EZR: variants seen among roughly 807,000 people sequenced by gnomAD.
EZR encodes ezrin.
Under a neutral mutation model 74.8 loss-of-function variants are expected in EZR, and 40 were observed. That is an observed-to-expected ratio of 0.53 (90% CI 0.42 to 0.70). EZR has a LOEUF of 0.70. Ranked by LOEUF, EZR falls within the 30% of genes least tolerant of loss-of-function variation. The probability of loss-of-function intolerance (pLI) is 0.00; values close to 1 mark genes in which losing one functional copy is unlikely to be tolerated. For missense variants in EZR, 678 were observed against 755.8 expected (o/e 0.90, Z 1.21); for synonymous variants, 341 against 283.3 (o/e 1.20, Z -2.05).
intron 7 of EZR, among the ~76,000 whole-genome samples, chr6:158,783,241 G>A (rs1791478441): frequency 9.5e-6 from 1 of 105,678 alleles, no homozygotes; most frequent in Admixed American, 8.0e-5. Context: ...GAATCTCAGA[G>A]GCAGCGGGGA....
At chr6:158,792,187 G>A (rs1200283253) in intron 2 of EZR, among the ~76,000 whole-genome samples, 8 of 152,150 alleles carry the variant, frequency 5.3e-5, no homozygotes, top group Admixed American at 4.6e-4. Context: ...CTGACTGAAA[G>A]TTCACACAAC....
At chr6:158,781,694 T>C (rs1473366927) in intron 7 of EZR, among the ~76,000 whole-genome samples, 1 of 152,220 alleles carries the variant, frequency 6.6e-6, no homozygotes, top group African/African-American at 2.4e-5. Context: ...GCTGTCTTAA[T>C]AGCCACGGCT....
intron 8 of EZR, among the ~76,000 whole-genome samples, chr6:158,772,246 T>A (rs1344239711): frequency 6.6e-6 from 1 of 152,240 alleles, no homozygotes; most frequent in Non-Finnish European, 1.5e-5. Context: ...CCCAGGGTAT[T>A]TGAGGTGTGC....
At chr6:158,793,791 C>T (rs1791804187) in intron 2 of EZR, among the ~76,000 whole-genome samples, 2 of 152,208 alleles carry the variant, frequency 1.3e-5, no homozygotes, top group East Asian at 1.9e-4. Context: ...CACAGCATGG[C>T]ACTGCCTTAC....
chr6:158,766,834 G>T lies in EZR; in HGVS notation c.*80C>A. ...GGGATCTGAGGGAGTTCCTAGACTT[G>T]GAGCACTAAAGACACAAGCGTGGCG... On this transcript the variant is annotated 3_prime_UTR_variant, in exon 14 of 14. Coordinates refer to ENST00000367075, the MANE Select transcript of EZR (RefSeq NM_001111077.2). 3 of 1,328,840 alleles carry T rather than the reference G, an allele frequency of 2.3e-6. No homozygotes were observed. Among genetic ancestry groups the T allele is most frequent in the Non-Finnish European group, 3.1e-6 (3 of 955,858 alleles). The allele number at this position is 1,328,840 out of a possible 1,614,324, so 82.3% of individuals were successfully genotyped here. A position where few individuals can be genotyped will look rare whatever the true frequency, so the allele number is the denominator to read the frequency against.
chr6:158,804,503 A>C (rs371541864), intron 2 of EZR, among the ~76,000 whole-genome samples: 1 of 152,206 alleles, frequency 6.6e-6, no homozygotes, highest in East Asian at 1.9e-4. Context: ...CATCACCAAC[A>C]TGCTTCACTG....
At chr6:158,779,378 C>T (rs1212089925) in intron 7 of EZR, among the ~76,000 whole-genome samples, 2 of 152,066 alleles carry the variant, frequency 1.3e-5, no homozygotes, top group Non-Finnish European at 2.9e-5. Flanking sequence ...GGTCCCGGGG[C>T]AGAAATAGGA....
intron 9 of EZR, 56 bp from the exon 10 acceptor site, chr6:158,770,950 G>C: frequency 1.9e-6 from 3 of 1,610,172 alleles, no homozygotes. Context: ...GAAAGTGAGG[G>C]GTCAACACAC....
intron 2 of EZR, among the ~76,000 whole-genome samples, chr6:158,799,778 G>A (rs9355254): frequency 0.41 from 62,245 of 152,120 alleles, 13,379 homozygotes; most frequent in Non-Finnish European, 0.49. Flanking sequence ...AGAAAAGCCC[G>A]AGAGGCAAGT....
At chr6:158,819,268 A>AC (rs1173204920) in intron 1 of EZR, 49 bp downstream of exon 1, 2 of 152,534 alleles carry the variant, frequency 1.3e-5, no homozygotes, top group African/African-American at 2.4e-5. Context: ...TCCACCAGGA[A>AC]CCCCCCGCCC....
intron 11 of EZR, 72 bp from the exon 12 acceptor site, chr6:158,769,490 C>A (rs2128564354): frequency 2.0e-6 from 3 of 1,467,848 alleles, no homozygotes; most frequent in South Asian, 2.3e-5. Context: ...AATGAGTGTT[C>A]ATGTGTGTTG....
intron 2 of EZR, among the ~76,000 whole-genome samples, chr6:158,812,160 T>C (rs1170875197): frequency 6.6e-6 from 1 of 152,116 alleles, no homozygotes; most frequent in Non-Finnish European, 1.5e-5. Flanking sequence ...AAATTCTTGT[T>C]TTTATGGCTC....
intron 1 of EZR, among the ~76,000 whole-genome samples, chr6:158,818,739 G>GA (rs1777623480): frequency 6.6e-6 from 1 of 150,436 alleles, no homozygotes; most frequent in Non-Finnish European, 1.5e-5. Flanking sequence ...CTGGGAGAGA[G>GA]AGGGCGAGGG....
intron 5 of EZR, 145 bp downstream of exon 5, chr6:158,785,163 TG>T: frequency 9.8e-7 from 1 of 1,021,744 alleles, no homozygotes; most frequent in Non-Finnish European, 1.4e-6. Flanking sequence ...TTCAGGTCGC[TG>T]GTCAGTGACT....
chr6:158,801,837 A>G (rs767493135), intron 2 of EZR, among the ~76,000 whole-genome samples: 6 of 152,214 alleles, frequency 3.9e-5, no homozygotes, highest in Non-Finnish European at 5.9e-5. Context: ...ATGACGCACA[A>G]AAGTCACTGG....
At chr6:158,789,912 G>A in intron 2 of EZR, among the ~76,000 whole-genome samples, 1 of 152,204 alleles carries the variant, frequency 6.6e-6, no homozygotes. Flanking sequence ...GGGCCACCCT[G>A]CCCAACCTAA....
chr6:158,770,669 G>A (rs2128565885), intron 10 of EZR, 95 bp downstream of exon 10: 26 of 1,461,924 alleles, frequency 1.8e-5, no homozygotes, highest in Non-Finnish European at 2.5e-5. Flanking sequence ...CACGTTCTTG[G>A]TTTCCTTCCT....
intron 2 of EZR, among the ~76,000 whole-genome samples, chr6:158,802,995 GAA>G (rs1777220998): frequency 6.6e-6 from 1 of 151,106 alleles, no homozygotes; most frequent in African/African-American, 2.5e-5. Flanking sequence ...GCACTTTAAG[GAA>G]CTTTTTGAGT....
intron 2 of EZR, among the ~76,000 whole-genome samples, chr6:158,805,930 A>G (rs1777328836): frequency 6.6e-6 from 1 of 152,210 alleles, no homozygotes; most frequent in Non-Finnish European, 1.5e-5. Context: ...CCTACCCAGT[A>G]GATGCCCCTT....
Sources: gnomAD v4.1 joint callset for allele counts (sites outside exome capture counted in the v4.1 genomes callset) on GRCh38, gnomAD v4.1.1 for gene constraint, MANE v1.5 for transcripts, NCBI Gene and HGNC (gene_info 2026-07-23, HGNC 2026-07-21) for gene names.